Variants in CCDC73 observed in about 807,000 individuals in gnomAD.
The protein encoded by CCDC73 is coiled-coil domain containing 73.
In CCDC73, 95 loss-of-function variants were observed where a neutral mutation model predicts 116.5. The ratio of observed to expected loss-of-function variants is 0.82; its 90% confidence interval spans 0.69 to 0.97. The LOEUF (loss-of-function observed/expected upper bound fraction) is 0.97. CCDC73 is among the 50% of genes least tolerant of loss of function. The pLI is 0.00. For synonymous variants in CCDC73, 398 were observed against 401.3 expected, an observed-to-expected ratio of 0.99 and a Z score of 0.10; for missense variants, 1,066 against 1,206.8, an observed-to-expected ratio of 0.88 and a Z score of 1.73.
chr11:32,829,690 A>G, the CCDC73 span: 25 of 833,516 alleles, frequency 3.0e-5, no homozygotes, highest in African/African-American at 4.6e-4. Context: ...AGGATCATTG[A>G]GAACGCCGAG....
chr11:32,616,134 T>G lies in CCDC73; in HGVS notation c.1186-5A>C, dbSNP rs1240803214. The G allele has an allele frequency of 6.4e-7, 1 of 1,558,698 alleles. No homozygotes were observed. The highest frequency in any genetic ancestry group is 8.6e-7 in the Non-Finnish European group (1 of 1,160,578). ...ATTATTTACTTCTGGAACATTCTAG[T>G]GTAAAATGGAAGAGATTCTTTTAAA... On this transcript the variant is annotated splice_polypyrimidine_tract_variant and splice_region_variant and intron_variant, in intron 14 of 17. Coordinates refer to ENST00000335185, the MANE Select transcript of CCDC73 (RefSeq NM_001008391.4).
intron 9 of CCDC73, among the ~76,000 whole-genome samples, chr11:32,673,836 C>T (rs539556816): frequency 1.3e-5 from 2 of 152,284 alleles, no homozygotes; most frequent in South Asian, 4.1e-4. Flanking sequence ...CACTGACTAG[C>T]AGCACTGTAG....
At chr11:32,719,377 G>A (rs955538877) in intron 2 of CCDC73, among the ~76,000 whole-genome samples, 2 of 152,118 alleles carry the variant, frequency 1.3e-5, no homozygotes, top group East Asian at 1.9e-4. Flanking sequence ...AAATCTCTGC[G>A]ATCACTAGCT....
intron 2 of CCDC73, among the ~76,000 whole-genome samples, chr11:32,735,648 G>T (rs1397074191): frequency 6.6e-6 from 1 of 152,160 alleles, no homozygotes; most frequent in African/African-American, 2.4e-5. Flanking sequence ...TCACAGAATT[G>T]GAAAAAACTA....
intron 12 of CCDC73, among the ~76,000 whole-genome samples, chr11:32,652,450 C>G (rs1350544767): frequency 6.6e-6 from 1 of 152,202 alleles, no homozygotes; most frequent in East Asian, 1.9e-4. Flanking sequence ...GCATTTCAAG[C>G]ATCTAGCCAG....
chr11:32,747,200 G>C (rs1850246990), intron 2 of CCDC73, among the ~76,000 whole-genome samples: 1 of 151,898 alleles, frequency 6.6e-6, no homozygotes, highest in South Asian at 2.1e-4. Context: ...CTGCAGGTCT[G>C]TTGGAGTTTG....
At chr11:32,691,350 C>T (rs1451708385) in intron 6 of CCDC73, among the ~76,000 whole-genome samples, 1 of 151,992 alleles carries the variant, frequency 6.6e-6, no homozygotes, top group Non-Finnish European at 1.5e-5. Flanking sequence ...CTGGCCTCAA[C>T]CACTTATTTT....
intron 4 of CCDC73, among the ~76,000 whole-genome samples, chr11:32,701,280 A>AT (rs1849808473): frequency 6.6e-6 from 1 of 152,210 alleles, no homozygotes; most frequent in East Asian, 1.9e-4. Context: ...ATCACAGCTT[A>AT]TATCATTTTC....
At chr11:32,810,902 G>C in the CCDC73 span, among the ~76,000 whole-genome samples, 2 of 151,892 alleles carry the variant, frequency 1.3e-5, no homozygotes, top group Admixed American at 1.3e-4. Flanking sequence ...AGGCCGAGGC[G>C]GGTGGATCAC....
At chr11:32,736,485 G>A (rs905194078) in intron 2 of CCDC73, among the ~76,000 whole-genome samples, 4 of 152,136 alleles carry the variant, frequency 2.6e-5, no homozygotes, top group Non-Finnish European at 5.9e-5. Context: ...CAGTTAGAAC[G>A]GCGATCATCA....
At chr11:32,664,317 T>A (rs1246612474) in intron 9 of CCDC73, among the ~76,000 whole-genome samples, 1 of 152,196 alleles carries the variant, frequency 6.6e-6, no homozygotes, top group Non-Finnish European at 1.5e-5. Context: ...TCCTGGACTT[T>A]TTTTGGTTGG....
At chr11:32,769,828 T>G (rs738507) in intron 1 of CCDC73, among the ~76,000 whole-genome samples, 41,215 of 152,144 alleles carry the variant, frequency 0.27, 6,464 homozygotes, top group East Asian at 0.79. Context: ...TCTCACTAAT[T>G]AAAGTGGTCC....
At chr11:32,623,528 A>C (rs1203560938) in intron 14 of CCDC73, among the ~76,000 whole-genome samples, 1 of 152,052 alleles carries the variant, frequency 6.6e-6, no homozygotes. Flanking sequence ...TTTTTAAAAA[A>C]ATTTTGTAGA....
intron 13 of CCDC73, among the ~76,000 whole-genome samples, chr11:32,636,829 G>A (rs1418476961): frequency 6.6e-6 from 1 of 151,586 alleles, no homozygotes; most frequent in African/African-American, 2.4e-5. Context: ...CTCTCCATGT[G>A]TTCTTCATTC....
intron 6 of CCDC73, among the ~76,000 whole-genome samples, chr11:32,684,424 T>A (rs1010093430): frequency 2.0e-5 from 3 of 152,198 alleles, no homozygotes; most frequent in Admixed American, 2.0e-4. Context: ...AAACGTCTAT[T>A]TTATAATCCA....
At chr11:32,615,279 C>G (rs1301472773) in intron 15 of CCDC73, among the ~76,000 whole-genome samples, 4 of 152,070 alleles carry the variant, frequency 2.6e-5, no homozygotes, top group Non-Finnish European at 5.9e-5. Context: ...ACACTTAGTA[C>G]AATTCCACAT....
At chr11:32,786,426 TTATAA>T (rs1288791087) in intron 1 of CCDC73, among the ~76,000 whole-genome samples, 3 of 116,590 alleles carry the variant, frequency 2.6e-5, no homozygotes, top group African/African-American at 1.1e-4. Context: ...ATTTATATAA[TTATAA>T]TATATAATAA....
intron 9 of CCDC73, among the ~76,000 whole-genome samples, chr11:32,672,221 A>G (rs1856046030): frequency 6.6e-6 from 1 of 152,172 alleles, no homozygotes; most frequent in Non-Finnish European, 1.5e-5. Flanking sequence ...GCATGCCTGT[A>G]GTCCCAGCTA....
At chr11:32,625,712 G>A (rs1044354142) in intron 14 of CCDC73, among the ~76,000 whole-genome samples, 10 of 152,124 alleles carry the variant, frequency 6.6e-5, no homozygotes, top group African/African-American at 2.4e-4. Context: ...CATATAAACA[G>A]AACCAACGAC....
Sources: gnomAD v4.1 joint callset for allele counts (sites outside exome capture counted in the v4.1 genomes callset) on GRCh38, gnomAD v4.1.1 for gene constraint, MANE v1.5 for transcripts, NCBI Gene and HGNC (gene_info 2026-07-23, HGNC 2026-07-21) for gene names.